Variants in OFD1 observed in about 807,000 individuals in gnomAD.
OFD1 encodes the protein OFD1 centriole and centriolar satellite protein.
OFD1 carries 12 observed loss-of-function variants against 81.4 expected under a neutral mutation model. The observed-to-expected ratio is 0.15, with a 90% CI of 0.09 to 0.24. The LOEUF (loss-of-function observed/expected upper bound fraction) is 0.24. OFD1 is among the 10% of genes least tolerant of loss of function. The probability of loss-of-function intolerance (pLI) is 1.00; values close to 1 mark genes in which losing one functional copy is unlikely to be tolerated. For missense variants in OFD1, 685 were observed against 733.9 expected (o/e 0.93, Z 0.77); for synonymous variants, 256 against 263.7 (o/e 0.97, Z 0.28).
upstream of OFD1, among the ~76,000 whole-genome samples, chrX:13,733,275 C>G (rs1479532193): frequency 9.0e-6 from 1 of 111,668 alleles, no homozygotes; most frequent in Non-Finnish European, 1.9e-5. Context: ...GGATCATGTA[C>G]TAGTATTCAA....
the OFD1 span, chrX:13,716,770 C>A: frequency 2.0e-6 from 2 of 999,345 alleles, no homozygotes; most frequent in Non-Finnish European, 2.8e-6. Flanking sequence ...AGATGGTTTT[C>A]TTGTGGGGAA....
At chrX:13,771,997 A>G (rs1480951184), downstream of OFD1, 1 of 112,653 alleles carries the variant, frequency 8.9e-6, no homozygotes, top group Non-Finnish European at 1.9e-5. Context: ...AATGGTGGTC[A>G]TTTTAATAAG....
At chrX:13,758,576 C>T (rs182391826) in intron 15 of OFD1, 128 bp downstream of exon 15, 7 of 463,052 alleles carry the variant, frequency 1.5e-5, no homozygotes, top group Non-Finnish European at 2.6e-5. Context: ...AAATATGTGT[C>T]ATCTTAGAAG....
At chrX:13,756,512 C>T in intron 12 of OFD1, 66 bp from the exon 13 acceptor site, 1 of 906,935 alleles carries the variant, frequency 1.1e-6, no homozygotes, top group Non-Finnish European at 1.6e-6. Flanking sequence ...AGGAGCCTGC[C>T]AGCTTTTACT....
rs931533527 is a variant in OFD1 at position 13,735,013 on chromosome X, C to T, written c.-59C>T. On this transcript the variant is annotated 5_prime_UTR_variant, in exon 1 of 23. Transcript: ENST00000340096. ...TCTTGGCCCCACCGCCCGGGCTGGG[C>T]ACTAAACTCGGGCCGCGGCGGGGCG... The T allele has an allele frequency of 1.9e-5, 22 of 1,172,948 alleles. No homozygotes were observed. In the African/African-American group the frequency reaches 3.7e-4, roughly 20 times the overall value.
intron 10 of OFD1, chrX:13,753,125 A>T: frequency 9.9e-7 from 1 of 1,005,469 alleles, no homozygotes. Context: ...TTATGATAAC[A>T]CGACGCTTCA....
intron 19 of OFD1, among the ~76,000 whole-genome samples, chrX:13,766,925 A>G (rs1386995866): frequency 1.8e-5 from 2 of 110,949 alleles, no homozygotes; most frequent in East Asian, 2.8e-4. Context: ...GTCTCAGTCA[A>G]GTGAAGTAGG....
Position 13,767,252 on chromosome X carries a change from C to T in OFD1, c.2725C>T (p.Arg909Ter), listed in dbSNP as rs1060500123. 8.3e-7 allele frequency: 1 copy of T among 1,210,583 alleles called. No homozygotes were observed. The highest frequency in any genetic ancestry group is 1.7e-5 in the African/African-American group (1 of 57,642). Residue 909 changes from arginine (R) to a stop codon, truncating the protein, a stop_gained, in exon 20 of 23, where the codon CGA becomes TGA. Coordinates refer to ENST00000340096, the MANE Select transcript of OFD1 (RefSeq NM_003611.3). LOFTEE classifies it high-confidence loss of function. ...SNLQEVLERE[R>*]RELEKLYQER... is the part of the protein sequence containing the mutation. The stretch of plus-strand genomic sequence containing the variant: ...CCTACAAGAAGTTTTAGAAAGGGAA[C>T]GAAGAGAACTAGAAAAACTGTATCA...
At position 13,735,290 on chromosome X, in the gene OFD1, C is replaced by T. The variant is rs1237174410; in HGVS notation, c.55C>T (p.Leu19=). 1 of 1,210,238 alleles carries T rather than the reference C, an allele frequency of 8.3e-7. No individual in the cohort carries two copies. Among genetic ancestry groups the T allele is most frequent in the African/African-American group, 1.7e-5 (1 of 57,289 alleles). The change falls in exon 2 of 23, where the codon CTG becomes TTG. Residue 19 remains leucine, a synonymous_variant. Transcript: ENST00000340096. ...TVADVLSQDE[L]RKKLYQTFKD... ...GGCTGATGTGTTGAGTCAAGATGAA[C>T]TGCGCAAAAAGCTATACCAGACGTT...
intron 2 of OFD1, chrX:13,736,025 G>C: frequency 7.4e-6 from 3 of 404,609 alleles, no homozygotes; most frequent in Non-Finnish European, 9.4e-6. Flanking sequence ...CATTTTCAGT[G>C]GCAACAGGCT....
chrX:13,728,158 T>A, the OFD1 span, among the ~76,000 whole-genome samples: 21 of 112,054 alleles, frequency 1.9e-4, no homozygotes, highest in African/African-American at 6.2e-4. Flanking sequence ...CACATCCGAA[T>A]TCTACCAGAG....
chrX:13,769,752 T>G (rs2048265705), downstream of OFD1, among the ~76,000 whole-genome samples: 1 of 111,601 alleles, frequency 9.0e-6, no homozygotes, highest in Admixed American at 9.5e-5. Context: ...CTTTTGCCCT[T>G]GCACCATTTG....
chrX:13,742,792 G>T lies in OFD1; in HGVS notation c.413-1623G>T, dbSNP rs906420876. Among the ~76,000 whole-genome samples, 3 of 111,747 alleles carry T rather than the reference G, an allele frequency of 2.7e-5. No homozygotes were observed. In the Admixed American group the frequency reaches 2.8e-4, roughly 11 times the overall value. ...GCCTGCCTCAGCCTCCCAGAGTGCT[G>T]GGATGACAAGCGTGAGCCACTGTAC... On this transcript the variant is annotated intron_variant, in intron 5 of 22. Coordinates refer to ENST00000340096, the MANE Select transcript of OFD1 (RefSeq NM_003611.3).
chrX:13,720,076 A>G, the OFD1 span: 1 of 633,788 alleles, frequency 1.6e-6, no homozygotes, highest in Non-Finnish European at 2.2e-6. Flanking sequence ...TTAAATTTAA[A>G]CCTGACATTG....
chrX:13,716,304 G>A, the OFD1 span: 1 of 553,329 alleles, frequency 1.8e-6, no homozygotes, highest in Non-Finnish European at 2.9e-6. Context: ...AATCACCCTT[G>A]ATAGGGTCCA....
chrX:13,763,211 C>A (rs760706506), intron 18 of OFD1, among the ~76,000 whole-genome samples: 12 of 112,872 alleles, frequency 1.1e-4, no homozygotes, highest in Non-Finnish European at 2.2e-4. Context: ...CTTAGACTGT[C>A]TTACTTTGTA....
intron 9 of OFD1, among the ~76,000 whole-genome samples, chrX:13,750,635 TTTTG>T (rs745860857): frequency 3.6e-5 from 4 of 111,978 alleles, no homozygotes; most frequent in South Asian, 7.4e-4. Flanking sequence ...CAATAGGGTT[TTTTG>T]TTTGTTTTGT....
At chrX:13,722,612 G>A in the OFD1 span, among the ~76,000 whole-genome samples, 3 of 111,724 alleles carry the variant, frequency 2.7e-5, no homozygotes, top group Non-Finnish European at 5.6e-5. Context: ...GTCTCGGGAG[G>A]GGAACAGCTG....
chrX:13,715,900 G>C, the OFD1 span: 7 of 1,063,264 alleles, frequency 6.6e-6, no homozygotes, highest in Non-Finnish European at 8.6e-6. Context: ...AAGCTAGTCT[G>C]AAAGGTAAAC....
Sources: gnomAD v4.1 joint callset for allele counts (sites outside exome capture counted in the v4.1 genomes callset) on GRCh38, gnomAD v4.1.1 for gene constraint, MANE v1.5 for transcripts, NCBI Gene and HGNC (gene_info 2026-07-23, HGNC 2026-07-21) for gene names.